The following NBEA variants were observed in gnomAD, a reference collection of about 807,000 sequenced individuals.
The protein encoded by NBEA is neurobeachin.
A neutral mutation model predicts 343.4 loss-of-function variants in NBEA; 44 were observed. The observed-to-expected ratio is 0.13, with a 90% confidence interval of 0.10 to 0.16. The LOEUF is 0.16. NBEA is among the 10% of genes least tolerant of loss of function. The pLI is 1.00. For missense variants in NBEA, 2,555 were observed against 3,631.3 expected (o/e 0.70, Z 7.62); for synonymous variants, 1,175 against 1,238.7 (o/e 0.95, Z 1.08).
intron 36 of NBEA, among the ~76,000 whole-genome samples, chr13:35,315,581 C>T (rs2037660095): frequency 6.6e-6 from 1 of 151,952 alleles, no homozygotes; most frequent in Non-Finnish European, 1.5e-5. Context: ...TGAAATAAAC[C>T]TTTGTCACTC....
intron 47 of NBEA, among the ~76,000 whole-genome samples, chr13:35,604,177 C>A (rs923269776): frequency 6.6e-6 from 1 of 152,166 alleles, no homozygotes; most frequent in Non-Finnish European, 1.5e-5. Flanking sequence ...TGCCCTTTAG[C>A]CTGTCTTATC....
intron 1 of NBEA, among the ~76,000 whole-genome samples, chr13:34,972,388 T>C (rs745964085): frequency 6.6e-6 from 1 of 152,190 alleles, no homozygotes; most frequent in Non-Finnish European, 1.5e-5. Flanking sequence ...TTGTTTGCTC[T>C]TGGTTCTCTA....
chr13:35,175,055 G>C (rs1056979703), intron 27 of NBEA, among the ~76,000 whole-genome samples: 2 of 152,078 alleles, frequency 1.3e-5, no homozygotes, highest in Non-Finnish European at 2.9e-5. Context: ...CTCCCAAAGT[G>C]CTGGGATTAC....
At chr13:35,355,751 A>G (rs1427994097) in intron 38 of NBEA, among the ~76,000 whole-genome samples, 1 of 151,934 alleles carries the variant, frequency 6.6e-6, no homozygotes, top group Non-Finnish European at 1.5e-5. Flanking sequence ...TCTGTTTAGA[A>G]TGCTTTCCCA....
intron 44 of NBEA, among the ~76,000 whole-genome samples, chr13:35,560,706 G>T (rs117604241): frequency 2.0e-5 from 3 of 152,138 alleles, no homozygotes; most frequent in Non-Finnish European, 4.4e-5. Context: ...TTGAGGCAAG[G>T]GAGCCAGGTC....
At chr13:35,091,217 T>C (rs990950895) in intron 10 of NBEA, among the ~76,000 whole-genome samples, 9 of 151,956 alleles carry the variant, frequency 5.9e-5, no homozygotes, top group African/African-American at 2.2e-4. Flanking sequence ...TCTGCCTTTC[T>C]GCCAGTGGCC....
At position 35,276,235 on chromosome 13, in the gene NBEA, T is replaced by C. The variant is rs930682445; in HGVS notation, c.5777-14154T>C. On this transcript the variant is annotated intron_variant, in intron 34 of 58. Coordinates refer to ENST00000379939, the MANE Select transcript of NBEA (RefSeq NM_001385012.1). ...ATGATAATTTTTAAAGGGAATTATT[T>C]TCCCTTTTGTTCTAATACAATTGGT... Among the ~76,000 whole-genome samples the C allele has an allele frequency of 2.6e-5, 4 of 152,158 alleles. No homozygotes were observed. In the South Asian group the frequency reaches 8.3e-4, roughly 32 times the overall value.
At chr13:35,224,475 AATATGTCT>A (rs1377680294) in intron 33 of NBEA, among the ~76,000 whole-genome samples, 1 of 152,046 alleles carries the variant, frequency 6.6e-6, no homozygotes, top group Non-Finnish European at 1.5e-5. Context: ...TTTTTGTTTT[AATATGTCT>A]ATATTTTATT....
intron 17 of NBEA, among the ~76,000 whole-genome samples, chr13:35,134,680 CATTA>C (rs2067622718): frequency 6.6e-6 from 1 of 151,780 alleles, no homozygotes; most frequent in African/African-American, 2.4e-5. Flanking sequence ...TATATTACAA[CATTA>C]ATTAAAGTAC....
At chr13:35,587,614 G>A (rs2081348400) in intron 46 of NBEA, among the ~76,000 whole-genome samples, 1 of 152,158 alleles carries the variant, frequency 6.6e-6, no homozygotes, top group Non-Finnish European at 1.5e-5. Flanking sequence ...AATACATAAA[G>A]TGGTATTCAC....
chr13:34,951,624 A>G (rs1255441108), intron 1 of NBEA, among the ~76,000 whole-genome samples: 1 of 152,188 alleles, frequency 6.6e-6, no homozygotes, highest in Non-Finnish European at 1.5e-5. Context: ...TGAATCCTGC[A>G]TAGTCTTTAT....
At chr13:35,040,613 C>G (rs1178996345) in intron 1 of NBEA, among the ~76,000 whole-genome samples, 1 of 151,742 alleles carries the variant, frequency 6.6e-6, no homozygotes, top group South Asian at 2.1e-4. Flanking sequence ...GTTGATTATC[C>G]CTTTTAAAGG....
At chr13:35,306,901 T>C (rs951868320) in intron 35 of NBEA, among the ~76,000 whole-genome samples, 3 of 152,082 alleles carry the variant, frequency 2.0e-5, no homozygotes, top group Admixed American at 1.3e-4. Context: ...TCGTTTTGTT[T>C]ATACTTCTTA....
intron 35 of NBEA, among the ~76,000 whole-genome samples, chr13:35,301,398 C>CT (rs1400342613): frequency 6.6e-6 from 1 of 151,808 alleles, no homozygotes; most frequent in Non-Finnish European, 1.5e-5. Flanking sequence ...TCCATGTGTT[C>CT]TCATTGTTCA....
intron 18 of NBEA, among the ~76,000 whole-genome samples, chr13:35,145,032 G>GGCT (rs1389925068): frequency 6.6e-6 from 1 of 152,198 alleles, no homozygotes; most frequent in African/African-American, 2.4e-5. Context: ...CAGGTAGCCT[G>GGCT]TTAGTAAATC....
intron 1 of NBEA, among the ~76,000 whole-genome samples, chr13:34,983,320 A>G (rs572942259): frequency 2.0e-5 from 3 of 152,144 alleles, no homozygotes; most frequent in Non-Finnish European, 4.4e-5. Context: ...GGTGGTTTCC[A>G]GCTGCATCCA....
intron 1 of NBEA, among the ~76,000 whole-genome samples, chr13:35,002,513 A>G (rs919171958): frequency 4.6e-5 from 7 of 152,238 alleles, no homozygotes; most frequent in Non-Finnish European, 8.8e-5. Flanking sequence ...TTCTGTCCCC[A>G]TGTCCCCTCT....
At chr13:35,349,009 A>G (rs1351576537) in intron 36 of NBEA, 99 bp from the exon 37 acceptor site, 1 of 435,816 alleles carries the variant, frequency 2.3e-6, no homozygotes, top group Non-Finnish European at 4.1e-6. Flanking sequence ...TTTATCTAAA[A>G]CTTATGTATA....
intron 17 of NBEA, among the ~76,000 whole-genome samples, chr13:35,132,359 T>A (rs765097050): frequency 6.6e-6 from 1 of 152,018 alleles, no homozygotes; most frequent in Non-Finnish European, 1.5e-5. Flanking sequence ...GGGGTTTCAC[T>A]ATGTTGGTCA....
Sources: allele counts gnomAD v4.1 joint callset (sites outside exome capture counted in the v4.1 genomes callset), GRCh38; gene constraint gnomAD v4.1.1; transcripts MANE v1.5; gene names NCBI Gene and HGNC (gene_info 2026-07-23, HGNC 2026-07-21).